Variants in BTBD8 observed in about 807,000 individuals in gnomAD.
BTBD8 encodes the protein BTB/POZ domain-containing protein 8.
Under a neutral mutation model 162.9 loss-of-function variants are expected in BTBD8, and 110 were observed. The ratio of observed to expected loss-of-function variants is 0.68; its 90% CI spans 0.58 to 0.79. BTBD8 has a LOEUF of 0.79. BTBD8 is among the 30% of genes least tolerant of loss of function. BTBD8 has a pLI of 0.00. For synonymous variants in BTBD8, 667 were observed against 716.1 expected (o/e 0.93, Z 1.10); for missense variants, 1,905 against 2,085.4 (o/e 0.91, Z 1.68).
At position 92,177,378 on chromosome 1, in the gene BTBD8, T is replaced by C; in HGVS notation, c.2185T>C (p.Ser729Pro). The part of the protein sequence containing the change: ...CLSIAGPSSR[S>P]TDSSMEFSIS... ...CAGCATCGCAGGACCCTCCAGCAGA[T>C]CCACAGATTCAAGTATGGAATTCTC... The change falls in exon 14 of 18, where the codon TCC (serine) becomes CCC (proline). Residue 729 changes from serine to proline, a missense_variant. By Grantham distance (74) the Ser-to-Pro change is moderately conservative. This residue lies in a region of BTBD8 where 1,374 missense variants were observed against 1,442.7 expected (regional missense o/e 0.95). Coordinates refer to ENST00000636805, the MANE Select transcript of BTBD8 (RefSeq NM_001376131.1). 2 of 1,551,744 alleles carry C rather than the reference T, an allele frequency of 1.3e-6. No individual in the cohort carries two copies. The highest frequency in any genetic ancestry group is 1.7e-6 in the Non-Finnish European group (2 of 1,147,024).
chr1:92,159,094 C>T (rs894208215), intron 9 of BTBD8, among the ~76,000 whole-genome samples: 3 of 152,024 alleles, frequency 2.0e-5, no homozygotes, highest in African/African-American at 7.2e-5. Context: ...ATAAGTGATA[C>T]AGTACTCTTC....
chr1:92,117,862 C>G (rs1649087460), intron 4 of BTBD8, among the ~76,000 whole-genome samples: 1 of 151,952 alleles, frequency 6.6e-6, no homozygotes, highest in African/African-American at 2.4e-5. Context: ...ATTTGTTTTT[C>G]TTCTCTTGTG....
intron 3 of BTBD8, among the ~76,000 whole-genome samples, chr1:92,106,660 CAAAAAAAAAA>C (rs60676530): frequency 3.0e-4 from 3 of 9,952 alleles, no homozygotes; most frequent in Admixed American, 1.9e-3. Flanking sequence ...GACTCTGTCT[CAAAAAAAAAA>C]AAAAAAAAAA....
At chr1:92,171,250 G>T (rs1050807213) in intron 12 of BTBD8, 149 bp from the exon 13 acceptor site, 17 of 466,540 alleles carry the variant, frequency 3.6e-5, no homozygotes, top group African/African-American at 3.1e-4. Context: ...ATATAATAGG[G>T]AGTTGTTTTG....
At chr1:92,169,097 T>C in intron 12 of BTBD8, 102 bp downstream of exon 12, 1 of 1,143,488 alleles carries the variant, frequency 8.7e-7, no homozygotes, top group Non-Finnish European at 1.2e-6. Context: ...ATTTGTGTGC[T>C]TCTGTTGGAT....
At chr1:92,167,454 A>G (rs1004141981) in intron 10 of BTBD8, among the ~76,000 whole-genome samples, 11 of 152,236 alleles carry the variant, frequency 7.2e-5, no homozygotes, top group Middle Eastern at 3.2e-3. Flanking sequence ...GGCCAGTAAT[A>G]CAATTATGAT....
chr1:92,159,383 C>T (rs144909268), intron 9 of BTBD8, among the ~76,000 whole-genome samples: 125 of 151,972 alleles, frequency 8.2e-4, no homozygotes, highest in African/African-American at 2.9e-3. Flanking sequence ...TGCCATATTG[C>T]TCAGGCTGGT....
chr1:92,082,350 G>A (rs762055519), intron 1 of BTBD8, among the ~76,000 whole-genome samples: 16 of 152,120 alleles, frequency 1.1e-4, no homozygotes, highest in African/African-American at 1.9e-4. Context: ...CACTGACCAC[G>A]TACCTAGCCC....
In BTBD8 at chr1:92,156,252, G is replaced by A. The variant is rs1273634043; in HGVS notation, c.1122+8466G>A. Among the ~76,000 whole-genome samples, 3 of 152,136 alleles carry A rather than the reference G, an allele frequency of 2.0e-5. No individual in the cohort carries two copies. In the East Asian group the frequency reaches 5.8e-4, roughly 29 times the overall value. On this transcript the variant is annotated intron_variant, in intron 9 of 17. Coordinates refer to ENST00000636805, the MANE Select transcript of BTBD8 (RefSeq NM_001376131.1). ...GATTTACATATGTTAAATCATCCTT[G>A]TATCCTAGGAATAAATACCACTAGT...
chr1:92,167,322 G>A (rs1413396480), intron 10 of BTBD8, among the ~76,000 whole-genome samples, 182 bp downstream of exon 10: 2 of 152,198 alleles, frequency 1.3e-5, no homozygotes, highest in African/African-American at 4.8e-5. Flanking sequence ...TGGCTCACAA[G>A]ATGAGAAAGG....
intron 4 of BTBD8, among the ~76,000 whole-genome samples, chr1:92,127,655 A>G (rs958223918): frequency 6.6e-6 from 1 of 151,938 alleles, no homozygotes; most frequent in Non-Finnish European, 1.5e-5. Flanking sequence ...GCTCACTGCA[A>G]CCTCGGCCTC....
intron 9 of BTBD8, among the ~76,000 whole-genome samples, chr1:92,148,358 A>T (rs943730802): frequency 6.6e-6 from 1 of 152,166 alleles, no homozygotes; most frequent in Non-Finnish European, 1.5e-5. Context: ...TGAATAAGGT[A>T]CTCACTTACC....
chr1:92,130,409 G>A (rs971535544), intron 5 of BTBD8, among the ~76,000 whole-genome samples: 1 of 151,138 alleles, frequency 6.6e-6, no homozygotes, highest in African/African-American at 2.4e-5. Context: ...TGTTGCCCAG[G>A]CTGGAGTGCA....
intron 1 of BTBD8, among the ~76,000 whole-genome samples, chr1:92,086,227 G>A (rs1453624345): frequency 6.6e-6 from 1 of 152,108 alleles, no homozygotes; most frequent in Non-Finnish European, 1.5e-5. Context: ...GCCACTAGGG[G>A]TTTAATGCCC....
In BTBD8 at chr1:92,182,498, T is replaced by A. The variant is rs1406545933; in HGVS notation, c.4815T>A (p.Ser1605=). 3 of 1,550,408 alleles carry A rather than the reference T, an allele frequency of 1.9e-6. No homozygotes were observed. In the South Asian group the frequency reaches 3.6e-5, roughly 19 times the overall value. ...TACCAAAGAACAGCTCTACAAAATC[T>A]CTAGACTCCTTTCGGAGTCAAGTTC... The part of the protein sequence containing the change: ...SDIPKNSSTK[S]LDSFRSQVLP... Residue 1605 remains serine, a synonymous_variant, in exon 17 of 18, where the codon TCT becomes TCA. Coordinates refer to ENST00000636805, the MANE Select transcript of BTBD8 (RefSeq NM_001376131.1).
At chr1:92,114,774 C>A in intron 4 of BTBD8, 1 of 228,526 alleles carries the variant, frequency 4.4e-6, no homozygotes, top group South Asian at 7.0e-5. Flanking sequence ...CTCTCATGCT[C>A]TTGCTGGGGC....
chr1:92,118,805 T>TTTC (rs1000468011), intron 4 of BTBD8, among the ~76,000 whole-genome samples: 1 of 144,382 alleles, frequency 6.9e-6, no homozygotes, highest in Non-Finnish European at 1.5e-5. Flanking sequence ...CTTTCTTTCT[T>TTTC]TTTTTTTTTT....
At chr1:92,144,767 C>T (rs956971666) in intron 7 of BTBD8, among the ~76,000 whole-genome samples, 4 of 150,746 alleles carry the variant, frequency 2.7e-5, no homozygotes, top group Non-Finnish European at 4.4e-5. Context: ...GCCATGGTCA[C>T]ACCACTGCAT....
chr1:92,115,967 C>T (rs1223256094), intron 4 of BTBD8, among the ~76,000 whole-genome samples: 1 of 151,934 alleles, frequency 6.6e-6, no homozygotes, highest in Admixed American at 6.6e-5. Flanking sequence ...AACGTTTTTC[C>T]TTTTCTACAA....
Sources: allele counts gnomAD v4.1 joint callset (sites outside exome capture counted in the v4.1 genomes callset), GRCh38; gene constraint gnomAD v4.1.1; regional missense constraint gnomAD v4.1.1; transcripts MANE v1.5; gene names NCBI Gene and HGNC (gene_info 2026-07-23, HGNC 2026-07-21).